Variants in CEP162 observed in about 807,000 individuals in gnomAD.
The protein encoded by CEP162 is centrosomal protein 162.
CEP162 carries 141 observed loss-of-function variants against 169.2 expected under a neutral mutation model. That is an observed-to-expected ratio of 0.83 (90% CI 0.73 to 0.96). The LOEUF (loss-of-function observed/expected upper bound fraction) is 0.96. Ranked by LOEUF, CEP162 falls within the 40% of genes least tolerant of loss-of-function variation. The probability of loss-of-function intolerance (pLI) is 0.00; values close to 1 mark genes in which losing one functional copy is unlikely to be tolerated. For missense variants in CEP162, 1,600 were observed against 1,587.2 expected, an observed-to-expected ratio of 1.01 and a Z score of -0.14; for synonymous variants, 540 against 526.4, an observed-to-expected ratio of 1.03 and a Z score of -0.35.
At chr6:84,170,353 G>A (rs923459684) in intron 17 of CEP162, among the ~76,000 whole-genome samples, 6 of 119,168 alleles carry the variant, frequency 5.0e-5, no homozygotes, top group African/African-American at 1.6e-4. Flanking sequence ...CAGCCTGGGT[G>A]ACAGAGCGAG....
At chr6:84,214,247 C>T (rs534760845) in intron 5 of CEP162, among the ~76,000 whole-genome samples, 2 of 152,292 alleles carry the variant, frequency 1.3e-5, no homozygotes, top group Admixed American at 1.3e-4. Flanking sequence ...CCACTGCACT[C>T]CAGCCTGGGC....
chr6:84,155,177 C>A (rs2099522665), intron 22 of CEP162, 121 bp downstream of exon 22: 5 of 756,890 alleles, frequency 6.6e-6, no homozygotes, highest in Non-Finnish European at 1.1e-5. Flanking sequence ...CCTATTGATA[C>A]CAGTGGTAAA....
chr6:84,132,904 G>C (rs1417892519), intron 25 of CEP162, among the ~76,000 whole-genome samples: 2 of 152,080 alleles, frequency 1.3e-5, no homozygotes, highest in African/African-American at 4.8e-5. Flanking sequence ...AGCTGGCAAG[G>C]AGCTGTGTTC....
intron 25 of CEP162, among the ~76,000 whole-genome samples, chr6:84,136,988 A>G (rs927149012): frequency 3.3e-5 from 5 of 152,070 alleles, no homozygotes; most frequent in Admixed American, 6.6e-5. Context: ...GACCATGCTG[A>G]CTCTTGTAAC....
At chr6:84,180,458 C>A (rs1179785048) in intron 13 of CEP162, among the ~76,000 whole-genome samples, 1 of 151,954 alleles carries the variant, frequency 6.6e-6, no homozygotes, top group Non-Finnish European at 1.5e-5. Context: ...CCTCTCTCAC[C>A]ACTCCTATTC....
intron 6 of CEP162, among the ~76,000 whole-genome samples, chr6:84,211,068 A>G (rs945664311): frequency 6.6e-6 from 1 of 152,224 alleles, no homozygotes; most frequent in Non-Finnish European, 1.5e-5. Flanking sequence ...AAGTGTCACG[A>G]AACTAAATAG....
intron 8 of CEP162, among the ~76,000 whole-genome samples, chr6:84,201,264 C>T (rs1588863072): frequency 6.7e-6 from 1 of 150,318 alleles, no homozygotes; most frequent in South Asian, 2.1e-4. Flanking sequence ...GGCAACAGAG[C>T]GAGAGTCTGT....
chr6:84,186,560 G>C lies in CEP162; in HGVS notation c.1173C>G (p.Asn391Lys), dbSNP rs749225706. Residue 391 changes from asparagine (N) to lysine (K), a missense_variant, in exon 12 of 27, where the codon AAC becomes AAG. Coordinates refer to ENST00000403245, the MANE Select transcript of CEP162 (RefSeq NM_014895.4). The part of the protein sequence containing the change: ...EFFSSLPLKM[N>K]PNILSQDSQH... ...GTGAGTCTTGAGACAAAATATTTGGGTTCATCTTCAGGGGTAAAGAGCTAA... is the reference window on the plus strand; with the variant it reads ...GTGAGTCTTGAGACAAAATATTTGGCTTCATCTTCAGGGGTAAAGAGCTAA... The C allele has an allele frequency of 1.9e-6, 3 of 1,612,280 alleles. No homozygotes were observed. The highest frequency in any genetic ancestry group is 2.2e-5 in the East Asian group (1 of 44,780).
intron 21 of CEP162, among the ~76,000 whole-genome samples, chr6:84,159,481 C>G (rs1465066211): frequency 7.7e-6 from 1 of 129,462 alleles, no homozygotes; most frequent in Non-Finnish European, 1.6e-5. Context: ...CTGGACTATA[C>G]TTACTTCAGA....
Position 84,126,481 on chromosome 6 carries a change from G to A in CEP162, c.3902C>T (p.Ala1301Val). The change falls in exon 26 of 27, where the codon GCC becomes GTC. Residue 1301 changes from alanine to valine, a missense_variant. Transcript: ENST00000403245. ...ITKLLEELRE[A>V]KENHTPEMKH... ...CATCTCTGGTGTATGGTTTTCTTTGGCTTCTCTCAATTCTTCTAAGAGTTT... is the reference window on the plus strand; with the variant it reads ...CATCTCTGGTGTATGGTTTTCTTTGACTTCTCTCAATTCTTCTAAGAGTTT... 6.4e-7 allele frequency: 1 copy of A among 1,560,478 alleles called. No homozygotes were observed.
intron 6 of CEP162, among the ~76,000 whole-genome samples, chr6:84,207,009 A>C (rs2099547429): frequency 6.6e-6 from 1 of 152,242 alleles, no homozygotes. Context: ...TGCAAATCAA[A>C]ACCACAATGA....
At position 84,201,777 on chromosome 6, in the gene CEP162, A is replaced by G. The variant is rs776570346; in HGVS notation, c.688-10T>C. On this transcript the variant is annotated splice_polypyrimidine_tract_variant and intron_variant, in intron 7 of 26. Coordinates refer to ENST00000403245, the MANE Select transcript of CEP162 (RefSeq NM_014895.4). ...CAGTTTTTTCTTCTTCCTAAATTAA[A>G]AAAGGAAAATGATGATATGTTTTGA... The G allele has an allele frequency of 1.5e-5, 20 of 1,290,348 alleles. No homozygotes were observed. The East Asian group carries it at 4.8e-4, about 31-fold the overall frequency. The allele number at this position is 1,290,348 out of a possible 1,614,324, so 79.9% of individuals were successfully genotyped here. A position where few individuals can be genotyped will look rare whatever the true frequency, so the allele number is the denominator to read the frequency against.
chr6:84,124,289 A>G lies in CEP162; in HGVS notation c.*781T>C, dbSNP rs2099508084. On this transcript the variant is annotated 3_prime_UTR_variant, in exon 27 of 27. Transcript: ENST00000403245. ...TGTTTATTGCAGCAATATTTACAAT[A>G]GCAAATTCATGGAACCAACCTAAGT... The G allele has an allele frequency of 6.6e-6, 1 of 152,222 alleles. No homozygotes were observed. The highest frequency in any genetic ancestry group is 2.4e-5 in the African/African-American group (1 of 41,458). The allele number at this position is 152,222 out of a possible 1,614,324, so 9.4% of individuals were successfully genotyped here.
chr6:84,212,949 G>T lies in CEP162; in HGVS notation c.571+8C>A. On this transcript the variant is annotated splice_region_variant and intron_variant, in intron 6 of 26. Coordinates refer to ENST00000403245, the MANE Select transcript of CEP162 (RefSeq NM_014895.4). ...AAATATTATAAATTTAAGAACCAATGAAATTACCTGCCAGTTCTTCATGTT... is the reference window on the plus strand; with the variant it reads ...AAATATTATAAATTTAAGAACCAATTAAATTACCTGCCAGTTCTTCATGTT... The T allele has an allele frequency of 6.6e-7, 1 of 1,504,538 alleles. No individual in the cohort carries two copies. Among genetic ancestry groups the T allele is most frequent in the Non-Finnish European group, 9.0e-7 (1 of 1,106,832 alleles). The allele number at this position is 1,504,538 out of a possible 1,614,324, so 93.2% of individuals were successfully genotyped here.
chr6:84,199,142 A>C (rs554352405), intron 9 of CEP162, among the ~76,000 whole-genome samples: 2 of 152,308 alleles, frequency 1.3e-5, no homozygotes, highest in African/African-American at 4.8e-5. Flanking sequence ...TGCCTACTGA[A>C]AACTGTGCGA....
chr6:84,137,264 G>A (rs946831048), intron 25 of CEP162, among the ~76,000 whole-genome samples: 9 of 152,286 alleles, frequency 5.9e-5, no homozygotes, highest in Admixed American at 5.9e-4. Context: ...CATGCCAAGT[G>A]TGGCCTTATG....
intron 24 of CEP162, among the ~76,000 whole-genome samples, 181 bp from the exon 25 acceptor site, chr6:84,146,966 G>A (rs868693765): frequency 1.3e-4 from 19 of 151,908 alleles, no homozygotes; most frequent in Non-Finnish European, 1.2e-4. Context: ...TAGAATTACC[G>A]TATTATCTAG....
chr6:84,145,744 CAG>C (rs796768063), intron 25 of CEP162, among the ~76,000 whole-genome samples: 13 of 152,184 alleles, frequency 8.5e-5, no homozygotes, highest in East Asian at 5.8e-4. Context: ...ATATAAACTG[CAG>C]AGAGTCACCA....
intron 18 of CEP162, among the ~76,000 whole-genome samples, chr6:84,167,702 G>A (rs1014832112): frequency 6.6e-6 from 1 of 152,148 alleles, no homozygotes; most frequent in Non-Finnish European, 1.5e-5. Flanking sequence ...TTGCAAGGTA[G>A]TGTCAATTCA....
Sources: allele counts gnomAD v4.1 joint callset (sites outside exome capture counted in the v4.1 genomes callset), GRCh38; gene constraint gnomAD v4.1.1; transcripts MANE v1.5; gene names NCBI Gene and HGNC (gene_info 2026-07-23, HGNC 2026-07-21).